The following ZNF407 variants were observed in gnomAD, a reference collection of about 807,000 sequenced individuals.
The protein encoded by ZNF407 is zinc finger protein 407.
A neutral mutation model predicts 131.2 loss-of-function variants in ZNF407; 17 were observed. The ratio of observed to expected loss-of-function variants is 0.13; its 90% CI spans 0.09 to 0.19. ZNF407 has a LOEUF of 0.19. Ranked by LOEUF, ZNF407 falls within the 10% of genes least tolerant of loss-of-function variation. The pLI is 1.00. For missense variants in ZNF407, 2,681 were observed against 2,830.6 expected, an observed-to-expected ratio of 0.95 and a Z score of 1.20; for synonymous variants, 1,156 against 1,062.0, an observed-to-expected ratio of 1.09 and a Z score of -1.72.
At chr18:74,781,940 C>T (rs2145029673) in intron 4 of ZNF407, among the ~76,000 whole-genome samples, 1 of 152,192 alleles carries the variant, frequency 6.6e-6, no homozygotes, top group South Asian at 2.1e-4. Flanking sequence ...TGTGTCATCC[C>T]CCAAATAATA....
In ZNF407 at chr18:75,063,597, C is replaced by A; in HGVS notation, c.5876C>A (p.Pro1959Gln). The change falls in exon 9 of 9, where the codon CCA (proline) becomes CAA (glutamine). Residue 1959 changes from proline to glutamine, a missense_variant. This residue lies in a region of ZNF407 where 620 missense variants were observed against 583.1 expected (regional missense o/e 1.06). Transcript: ENST00000299687. This position sits in a 1 kb window ranked among gnomAD's most constrained non-coding sequence, Gnocchi z 6.6. ...CACGGCATGGATGAGTCCCTCAGTCCAGGTGGCGCTGTGATACAACAGGTG... is the reference window on the plus strand; with the variant it reads ...CACGGCATGGATGAGTCCCTCAGTCAAGGTGGCGCTGTGATACAACAGGTG... Reference protein sequence around the residue: ...EGHGMDESLSPGGAVIQQVTK... With the variant: ...EGHGMDESLSQGGAVIQQVTK... 6.4e-7 allele frequency: 1 copy of A among 1,572,408 alleles called. No homozygotes were observed. The highest frequency in any genetic ancestry group is 8.6e-7 in the Non-Finnish European group (1 of 1,160,534).
chr18:74,846,853 G>A (rs1180035410), intron 4 of ZNF407, among the ~76,000 whole-genome samples: 5 of 151,814 alleles, frequency 3.3e-5, no homozygotes, highest in Non-Finnish European at 1.5e-5. Flanking sequence ...AATTAGCTGG[G>A]TGTGGTGGTG....
chr18:74,769,218 T>C (rs761028099), intron 3 of ZNF407, among the ~76,000 whole-genome samples: 14 of 152,230 alleles, frequency 9.2e-5, no homozygotes, highest in Non-Finnish European at 1.5e-4. Context: ...CTCAGTGATA[T>C]TCTTTTATGG....
rs1271991816 is a variant in ZNF407 at position 74,632,795 on chromosome 18, T to C, written c.1776T>C (p.Cys592=). ...CTGCTTCTGTCCTGAGTTGTCAGTG[T>C]TGTTCATTTATATCCTTGGATGAAA... ...QQTASVLSCQ[C]CSFISLDEIN... Residue 592 remains cysteine (C), a synonymous_variant, in exon 2 of 9, where the codon TGT becomes TGC. Coordinates refer to ENST00000299687, the MANE Select transcript of ZNF407 (RefSeq NM_017757.3). The C allele has an allele frequency of 6.2e-7, 1 of 1,614,030 alleles. No individual in the cohort carries two copies. The highest frequency in any genetic ancestry group is 8.5e-7 in the Non-Finnish European group (1 of 1,179,898).
rs781639318 is a variant in ZNF407 at position 74,631,127 on chromosome 18, A to T, written c.108A>T (p.Val36=). ...LSSHNEDGGP[V]SDVIASFPEN... ...CCCATAATGAAGACGGTGGGCCTGTATCTGATGTGATAGCAAGTTTCCCTG... is the reference window on the plus strand; with the variant it reads ...CCCATAATGAAGACGGTGGGCCTGTTTCTGATGTGATAGCAAGTTTCCCTG... The change falls in exon 2 of 9, where the codon GTA becomes GTT. Residue 36 remains valine (V), a synonymous_variant. Coordinates refer to ENST00000299687, the MANE Select transcript of ZNF407 (RefSeq NM_017757.3). 1 of 1,613,972 alleles carries T rather than the reference A, an allele frequency of 6.2e-7. No homozygotes were observed. The highest frequency in any genetic ancestry group is 1.1e-5 in the South Asian group (1 of 91,086).
chr18:75,036,694 A>G (rs987988113), intron 8 of ZNF407, among the ~76,000 whole-genome samples: 4 of 152,356 alleles, frequency 2.6e-5, no homozygotes, highest in Admixed American at 6.5e-5. Flanking sequence ...TCCAAGGTGA[A>G]TGTGAGTTGA....
chr18:74,636,979 G>T (rs1224518644), intron 2 of ZNF407, among the ~76,000 whole-genome samples: 1 of 152,216 alleles, frequency 6.6e-6, no homozygotes, highest in East Asian at 1.9e-4. Flanking sequence ...TCTTAAGGCA[G>T]ATAAAACTGA....
chr18:74,835,262 G>A (rs904963592), intron 4 of ZNF407, among the ~76,000 whole-genome samples: 2 of 152,190 alleles, frequency 1.3e-5, no homozygotes, highest in Non-Finnish European at 2.9e-5. Context: ...CACATACCAG[G>A]TCCAATAGTT....
At chr18:74,957,824 T>G (rs1972293789) in intron 8 of ZNF407, among the ~76,000 whole-genome samples, 1 of 152,240 alleles carries the variant, frequency 6.6e-6, no homozygotes, top group African/African-American at 2.4e-5. Context: ...AAGCTCCACC[T>G]CTGGCATATG....
At chr18:74,637,193 A>G (rs571133999) in intron 2 of ZNF407, among the ~76,000 whole-genome samples, 5 of 152,230 alleles carry the variant, frequency 3.3e-5, no homozygotes, top group Admixed American at 1.3e-4. Context: ...AAAATAATCA[A>G]TGTAGGCATT....
chr18:75,063,671 G>A lies in ZNF407; in HGVS notation c.5950G>A (p.Glu1984Lys), dbSNP rs1345585661. Residue 1984 changes from glutamate (E) to lysine (K), a missense_variant, in exon 9 of 9, where the codon GAG (glutamate) becomes AAG (lysine). By Grantham distance (56) the Glu-to-Lys change is moderately conservative. Transcript: ENST00000299687. The surrounding 1 kb of genome is among the most constrained non-coding windows in gnomAD (Gnocchi z 6.6). The part of the protein sequence containing the change: ...NLSEAGVAPP[E>K]ASSALDALLC... ...CTCGGAGGCTGGAGTCGCTCCCCCCGAGGCATCCTCAGCCCTGGATGCATT... is the reference window on the plus strand; with the variant it reads ...CTCGGAGGCTGGAGTCGCTCCCCCCAAGGCATCCTCAGCCCTGGATGCATT... 23 of 1,609,554 alleles carry A rather than the reference G, an allele frequency of 1.4e-5. No individual in the cohort carries two copies. Among genetic ancestry groups the A allele is most frequent in the East Asian group, 4.5e-5 (2 of 44,718 alleles).
At chr18:74,637,712 T>C (rs1327711872) in intron 2 of ZNF407, among the ~76,000 whole-genome samples, 1 of 152,200 alleles carries the variant, frequency 6.6e-6, no homozygotes, top group African/African-American at 2.4e-5. Context: ...CATACTTTGC[T>C]TATGTCCATA....
intron 4 of ZNF407, among the ~76,000 whole-genome samples, chr18:74,829,682 AATG>A (rs1293783923): frequency 1.3e-5 from 2 of 152,170 alleles, no homozygotes; most frequent in African/African-American, 2.4e-5. Flanking sequence ...AACACTCTGG[AATG>A]ATAATTATTG....
chr18:74,686,116 C>T (rs547381149), intron 3 of ZNF407, among the ~76,000 whole-genome samples: 11 of 152,310 alleles, frequency 7.2e-5, no homozygotes, highest in Admixed American at 2.0e-4. Flanking sequence ...AGCCACTGTG[C>T]GAGTGCCATT....
intron 3 of ZNF407, among the ~76,000 whole-genome samples, chr18:74,681,740 A>G (rs1966988137): frequency 6.6e-6 from 1 of 152,178 alleles, no homozygotes; most frequent in Non-Finnish European, 1.5e-5. Context: ...GTCAGACAGG[A>G]CTTGCTACTT....
chr18:75,027,038 A>G (rs1973179631), intron 8 of ZNF407, among the ~76,000 whole-genome samples: 1 of 152,240 alleles, frequency 6.6e-6, no homozygotes, highest in Non-Finnish European at 1.5e-5. Context: ...AGAAAGCAGT[A>G]TGTGGCCTGC....
At chr18:74,962,482 C>T (rs1972357291) in intron 8 of ZNF407, among the ~76,000 whole-genome samples, 1 of 152,232 alleles carries the variant, frequency 6.6e-6, no homozygotes, top group Non-Finnish European at 1.5e-5. Flanking sequence ...TAGACATTTC[C>T]TAGGTGTCTC....
At chr18:74,888,751 T>G (rs1289037251) in intron 6 of ZNF407, among the ~76,000 whole-genome samples, 1 of 152,336 alleles carries the variant, frequency 6.6e-6, no homozygotes, top group South Asian at 2.1e-4. Flanking sequence ...TAAGACTCCA[T>G]GATTCTTTGA....
rs181278610 is a variant in ZNF407 at position 74,794,999 on chromosome 18, C to T, written c.4877+13497C>T. Among the ~76,000 whole-genome samples, 3 of 152,180 alleles carry T rather than the reference C, an allele frequency of 2.0e-5. No homozygotes were observed. In the East Asian group the frequency reaches 5.8e-4, roughly 29 times the overall value. Reference sequence around the variant, plus strand: ...GAACAAGAAAATGCTTGTTTTTAGTCTTCAGCTTATTACTGTCAAACTTTT... The same window carrying T: ...GAACAAGAAAATGCTTGTTTTTAGTTTTCAGCTTATTACTGTCAAACTTTT... On this transcript the variant is annotated intron_variant, in intron 4 of 8. Coordinates refer to ENST00000299687, the MANE Select transcript of ZNF407 (RefSeq NM_017757.3).
Sources: gnomAD v4.1 joint callset for allele counts (sites outside exome capture counted in the v4.1 genomes callset) on GRCh38, gnomAD v4.1.1 for gene constraint, gnomAD v4.1.1 regional missense constraint, Gnocchi (gnomAD v3.1) non-coding constraint, MANE v1.5 for transcripts, NCBI Gene and HGNC (gene_info 2026-07-23, HGNC 2026-07-21) for gene names.